The following MAP3K19 variants were observed in gnomAD, a reference collection of about 807,000 sequenced individuals.
The protein encoded by MAP3K19 is mitogen-activated protein kinase kinase kinase 19, also known as SPS1/STE20-related protein kinase YSK4.
Under a neutral mutation model 114.4 loss-of-function variants are expected in MAP3K19, and 91 were observed. The ratio of observed to expected loss-of-function variants is 0.80; its 90% confidence interval spans 0.67 to 0.95. The LOEUF is 0.95. Ranked by LOEUF, MAP3K19 falls within the 40% of genes least tolerant of loss-of-function variation. MAP3K19 has a pLI of 0.00. For synonymous variants in MAP3K19, 518 were observed against 530.5 expected (o/e 0.98, Z 0.32); for missense variants, 1,471 against 1,573.2 (o/e 0.94, Z 1.10).
intron 12 of MAP3K19, among the ~76,000 whole-genome samples, chr2:134,968,441 C>A (rs1683562627): frequency 6.7e-6 from 1 of 148,990 alleles, no homozygotes; most frequent in African/African-American, 2.5e-5. Flanking sequence ...GGCGGCCGGG[C>A]AGAGGCGCCC....
chr2:134,975,000 T>A (rs1046474081), intron 12 of MAP3K19, among the ~76,000 whole-genome samples: 3 of 152,228 alleles, frequency 2.0e-5, no homozygotes, highest in African/African-American at 7.2e-5. Flanking sequence ...CCTCAGCGGC[T>A]AAGTCTGTGA....
intron 9 of MAP3K19, among the ~76,000 whole-genome samples, chr2:134,988,998 AC>A (rs1685372261): frequency 6.6e-6 from 1 of 152,208 alleles, no homozygotes; most frequent in East Asian, 1.9e-4. Context: ...CATATCCGAA[AC>A]ACAACTACTC....
chr2:134,983,071 T>A, intron 11 of MAP3K19: 1 of 395,292 alleles, frequency 2.5e-6, no homozygotes, highest in South Asian at 2.0e-5. Flanking sequence ...CATTTCAATC[T>A]TCTAGCTAAT....
chr2:135,028,334 T>C (rs1199836122), intron 3 of MAP3K19, among the ~76,000 whole-genome samples: 1 of 152,058 alleles, frequency 6.6e-6, no homozygotes, highest in Admixed American at 6.6e-5. Context: ...GGCATGTGGA[T>C]TGCTTGAGCC....
intron 3 of MAP3K19, among the ~76,000 whole-genome samples, chr2:135,024,960 TC>T (rs1229527551): frequency 1.3e-5 from 2 of 152,228 alleles, no homozygotes; most frequent in Admixed American, 6.5e-5. Flanking sequence ...CCATCCCCAT[TC>T]TAAAAACATT....
chr2:135,038,039 G>A lies in MAP3K19; in HGVS notation c.-284+2324C>T, dbSNP rs1464799232. 4.6e-5 allele frequency among the ~76,000 whole-genome samples: 7 copies of A among 152,116 alleles called. No individual in the cohort carries two copies. The South Asian group carries it at 8.3e-4, about 18-fold the overall frequency. ...TTCATAGTTCTTGAGAGATGTCTGC[G>A]AGTGAAAGGGCCTGAGAGAGGAAAG... On this transcript the variant is annotated intron_variant, in intron 2 of 12. Transcript: ENST00000392915.
At chr2:134,968,116 C>A (rs996482316) in intron 12 of MAP3K19, among the ~76,000 whole-genome samples, 1 of 152,128 alleles carries the variant, frequency 6.6e-6, no homozygotes, top group Admixed American at 6.5e-5. Flanking sequence ...CTTGCACCGC[C>A]CCTAATCCAT....
intron 12 of MAP3K19, among the ~76,000 whole-genome samples, chr2:134,968,639 G>T (rs373512433): frequency 1.4e-5 from 2 of 148,008 alleles, no homozygotes; most frequent in Non-Finnish European, 3.0e-5. Flanking sequence ...CAGACGGGGC[G>T]GCCGGGCAGA....
chr2:135,022,893 T>G (rs1688077944), intron 4 of MAP3K19, among the ~76,000 whole-genome samples: 1 of 152,140 alleles, frequency 6.6e-6, no homozygotes, highest in Non-Finnish European at 1.5e-5. Context: ...TGAACACACT[T>G]CCTATCTAGT....
rs537604353 is a variant in MAP3K19 at position 135,022,894 on chromosome 2, C to T, written c.23-1064G>A. ...ACACTCAGCTCCTCTGAACACACTTCCTATCTAGTGATTAAAGCCACATTA... is the reference window on the plus strand; with the variant it reads ...ACACTCAGCTCCTCTGAACACACTTTCTATCTAGTGATTAAAGCCACATTA... On this transcript the variant is annotated intron_variant, in intron 4 of 12. Transcript: ENST00000392915. Among the ~76,000 whole-genome samples, 13 of 152,304 alleles carry T rather than the reference C, an allele frequency of 8.5e-5. No individual in the cohort carries two copies. In the South Asian group the frequency reaches 2.7e-3, roughly 32 times the overall value.
In MAP3K19 at chr2:134,968,469, G is replaced by T. The variant is rs546929066; in HGVS notation, c.3921-3553C>A. On this transcript the variant is annotated intron_variant, in intron 12 of 12. Coordinates refer to ENST00000392915, the MANE Select transcript of MAP3K19 (RefSeq NM_025052.5). Reference sequence around the variant, plus strand: ...AGGCGCCCCTCACCTCCCGGATGGGGTGGCTGGCCGGGCGGGGGGCTGACC... The same window carrying T: ...AGGCGCCCCTCACCTCCCGGATGGGTTGGCTGGCCGGGCGGGGGGCTGACC... Among the ~76,000 whole-genome samples, 7 of 149,414 alleles carry T rather than the reference G, an allele frequency of 4.7e-5. No homozygotes were observed. The East Asian group carries it at 1.4e-3, about 30-fold the overall frequency.
chr2:135,021,572 G>C, intron 5 of MAP3K19, 143 bp downstream of exon 5: 1 of 579,236 alleles, frequency 1.7e-6, no homozygotes, highest in Non-Finnish European at 3.0e-6. Flanking sequence ...ACTTTCAGAA[G>C]AGTGTCTTAC....
At chr2:135,046,613 AG>A (rs1688750934) in intron 1 of MAP3K19, among the ~76,000 whole-genome samples, 1 of 152,176 alleles carries the variant, frequency 6.6e-6, no homozygotes, top group South Asian at 2.1e-4. Flanking sequence ...TTTGAGGAAT[AG>A]TGTTTCATTC....
At chr2:134,995,333 A>C (rs1347993026) in intron 8 of MAP3K19, among the ~76,000 whole-genome samples, 1 of 151,060 alleles carries the variant, frequency 6.6e-6, no homozygotes, top group Non-Finnish European at 1.5e-5. Context: ...AAAAAAAAAA[A>C]GTAAGGAAAG....
rs569493147 is a variant in MAP3K19, at chr2:135,021,643, G to T, written c.138+72C>A. 2.9e-4 allele frequency: 227 copies of T among 774,646 alleles called. No individual in the cohort carries two copies. The African/African-American group carries it at 3.6e-3, about 12-fold the overall frequency. The allele number at this position is 774,646 out of a possible 1,614,324, so 48.0% of individuals were successfully genotyped here. ...AATTGTAATATATGAGTGTTATGAA[G>T]TATTCAAGCAACACAAATAAAGTAG... On this transcript the variant is annotated intron_variant, in intron 5 of 12. Transcript: ENST00000392915.
intron 6 of MAP3K19, among the ~76,000 whole-genome samples, chr2:135,004,074 A>G (rs562744286): frequency 1.3e-4 from 20 of 152,378 alleles, no homozygotes; most frequent in Non-Finnish European, 2.4e-4. Flanking sequence ...GAGATGCCTC[A>G]TAAGTATTAT....
intron 12 of MAP3K19, among the ~76,000 whole-genome samples, chr2:134,969,642 G>A (rs1050509202): frequency 6.6e-6 from 1 of 152,110 alleles, no homozygotes; most frequent in Non-Finnish European, 1.5e-5. Flanking sequence ...TACCTTAAAA[G>A]CACAGGTGAC....
At chr2:135,010,672 G>A (rs896567474) in intron 5 of MAP3K19, among the ~76,000 whole-genome samples, 1 of 152,104 alleles carries the variant, frequency 6.6e-6, no homozygotes, top group African/African-American at 2.4e-5. Context: ...CTGTCGCCGA[G>A]GCTGGAATGC....
intron 12 of MAP3K19, among the ~76,000 whole-genome samples, chr2:134,969,254 A>ACTC (rs1362054140): frequency 2.6e-5 from 4 of 152,134 alleles, no homozygotes; most frequent in African/African-American, 4.8e-5. Context: ...CGGCAGGCTG[A>ACTC]GGCAGGAGAA....
Sources: allele counts gnomAD v4.1 joint callset (sites outside exome capture counted in the v4.1 genomes callset), GRCh38; gene constraint gnomAD v4.1.1; transcripts MANE v1.5; gene names NCBI Gene and HGNC (gene_info 2026-07-23, HGNC 2026-07-21).